The following EFHC2 variants were observed in gnomAD, a reference collection of about 807,000 sequenced individuals.
EFHC2 encodes the protein EF-hand domain-containing family member C2.
A neutral mutation model predicts 52.7 loss-of-function variants in EFHC2; 18 were observed. The ratio of observed to expected loss-of-function variants is 0.34; its 90% CI spans 0.24 to 0.51. The LOEUF is 0.51. Ranked by LOEUF, EFHC2 falls within the 20% of genes least tolerant of loss-of-function variation. The pLI is 0.97. For synonymous variants in EFHC2, 203 were observed against 204.1 expected (o/e 0.99, Z 0.04); for missense variants, 513 against 562.5 (o/e 0.91, Z 0.89).
intron 9 of EFHC2, among the ~76,000 whole-genome samples, chrX:44,234,836 C>G (rs1251998872): frequency 9.0e-6 from 1 of 111,726 alleles, no homozygotes; most frequent in African/African-American, 3.3e-5. Context: ...CCTCAACAGA[C>G]AGAAGGACCA....
chrX:44,243,383 G>A (rs778620028), intron 7 of EFHC2, among the ~76,000 whole-genome samples: 1 of 112,206 alleles, frequency 8.9e-6, no homozygotes, highest in Non-Finnish European at 1.9e-5. Flanking sequence ...CTTTTCCACT[G>A]TCAAAGTTCC....
intron 1 of EFHC2, among the ~76,000 whole-genome samples, chrX:44,321,546 G>A (rs1451634364): frequency 8.9e-6 from 1 of 111,896 alleles, no homozygotes; most frequent in African/African-American, 3.3e-5. Flanking sequence ...CGTGATCAGG[G>A]AGATGGGGTA....
chrX:44,221,654 T>C (rs191076189), intron 11 of EFHC2, among the ~76,000 whole-genome samples: 330 of 111,840 alleles, frequency 3.0e-3, no homozygotes, highest in African/African-American at 0.01. Context: ...TTAACCCTGT[T>C]AAACAAAACC....
chrX:44,294,292 G>A (rs904168907), intron 2 of EFHC2, among the ~76,000 whole-genome samples: 4 of 99,714 alleles, frequency 4.0e-5, no homozygotes, highest in African/African-American at 1.6e-4. Flanking sequence ...GTGTGTGTGT[G>A]TGTAAAATTA....
rs763913085 is a variant in EFHC2 at position 44,257,007 on chromosome X, T to A, written c.606+4068A>T. 7.2e-5 allele frequency among the ~76,000 whole-genome samples: 8 copies of A among 111,324 alleles called. No individual in the cohort carries two copies. In the East Asian group the frequency reaches 2.0e-3, roughly 27 times the overall value. On this transcript the variant is annotated intron_variant, in intron 4 of 14. Transcript: ENST00000420999. ...GGCTGGTTCAACATATGCAAATCAA[T>A]AAATGTAACCCATCATATAAACAGA...
chrX:44,241,894 A>G (rs182813542), intron 8 of EFHC2, among the ~76,000 whole-genome samples: 103 of 111,842 alleles, frequency 9.2e-4, no homozygotes, highest in African/African-American at 3.1e-3. Flanking sequence ...TAGACTAGAG[A>G]TAATATTACT....
chrX:44,317,097 C>A (rs992794010), intron 1 of EFHC2, among the ~76,000 whole-genome samples: 3 of 112,219 alleles, frequency 2.7e-5, no homozygotes, highest in Non-Finnish European at 5.6e-5. Flanking sequence ...AAGAAGAGAG[C>A]TCCCTGCTTC....
rs959492964 is a variant in EFHC2 at position 44,310,363 on chromosome X, G to C, written c.231+2205C>G. The C allele has an allele frequency of 2.7e-5, 24 of 895,820 alleles. No individual in the cohort carries two copies. The South Asian group carries it at 4.9e-4, about 18-fold the overall frequency. 73.8% of individuals were successfully genotyped at this position (895,820 alleles called of 1,213,427 possible). On this transcript the variant is annotated intron_variant, in intron 2 of 14. Coordinates refer to ENST00000420999, the MANE Select transcript of EFHC2 (RefSeq NM_025184.4). ...TCTTGCTGGCCAGAACCCGGGTCCC[G>C]CTCAGGGCCGGCGGCCTGTTCACCT...
intron 11 of EFHC2, among the ~76,000 whole-genome samples, chrX:44,179,241 T>A (rs2036815213): frequency 9.0e-6 from 1 of 110,651 alleles, no homozygotes; most frequent in Non-Finnish European, 1.9e-5. Context: ...GGCTGAATTG[T>A]TTTCAATGTA....
chrX:44,159,792 A>G (rs1393039592), intron 14 of EFHC2, among the ~76,000 whole-genome samples: 2 of 112,693 alleles, frequency 1.8e-5, no homozygotes, highest in Non-Finnish European at 3.7e-5. Context: ...TCTTGCCATT[A>G]AAGAATAGAA....
At chrX:44,295,758 G>A (rs1241759501) in intron 2 of EFHC2, among the ~76,000 whole-genome samples, 1 of 110,648 alleles carries the variant, frequency 9.0e-6, no homozygotes, top group Non-Finnish European at 1.9e-5. Context: ...GAGAGGGGTG[G>A]GTAATGGCAG....
intron 11 of EFHC2, among the ~76,000 whole-genome samples, chrX:44,208,596 A>G (rs1489015494): frequency 9.0e-6 from 1 of 111,497 alleles, no homozygotes; most frequent in Non-Finnish European, 1.9e-5. Flanking sequence ...CATTATGCAA[A>G]ATACACATGT....
intron 11 of EFHC2, among the ~76,000 whole-genome samples, chrX:44,217,231 G>C (rs995786504): frequency 6.3e-5 from 7 of 111,266 alleles, no homozygotes; most frequent in African/African-American, 1.3e-4. Flanking sequence ...ACAAATGCTG[G>C]AGAGGATGTG....
At chrX:44,336,861 T>C (rs1033477777) in intron 1 of EFHC2, among the ~76,000 whole-genome samples, 2 of 112,147 alleles carry the variant, frequency 1.8e-5, no homozygotes, top group East Asian at 5.6e-4. Flanking sequence ...GTTATGTACA[T>C]ACAGGTCTAT....
chrX:44,308,391 T>TA (rs1318715710), intron 2 of EFHC2, among the ~76,000 whole-genome samples: 2 of 96,883 alleles, frequency 2.1e-5, no homozygotes, highest in Non-Finnish European at 4.3e-5. Flanking sequence ...AAGACCTCAA[T>TA]AAAAAGAGAC....
chrX:44,251,261 AAAAAG>A (rs2037444258), intron 4 of EFHC2, among the ~76,000 whole-genome samples: 3 of 101,020 alleles, frequency 3.0e-5, no homozygotes, highest in Non-Finnish European at 2.0e-5. Context: ...AAAAAAAAAA[AAAAAG>A]AATAGAGACA....
chrX:44,159,766 T>C (rs2036637090), intron 14 of EFHC2, among the ~76,000 whole-genome samples: 1 of 112,841 alleles, frequency 8.9e-6, no homozygotes, highest in African/African-American at 3.2e-5. Context: ...GTGACATTCC[T>C]GGCCTAGAAC....
intron 3 of EFHC2, among the ~76,000 whole-genome samples, chrX:44,268,069 G>A (rs2037590723): frequency 8.9e-6 from 1 of 111,796 alleles, no homozygotes; most frequent in South Asian, 3.7e-4. Context: ...ATTACGCAGC[G>A]TGATTACTGT....
At chrX:44,195,815 T>G (rs747221004) in intron 11 of EFHC2, among the ~76,000 whole-genome samples, 1 of 112,287 alleles carries the variant, frequency 8.9e-6, no homozygotes, top group African/African-American at 3.2e-5. Context: ...GAGTGGCCAG[T>G]GGAGAAAGTC....
Sources: gnomAD v4.1 joint callset for allele counts (sites outside exome capture counted in the v4.1 genomes callset) on GRCh38, gnomAD v4.1.1 for gene constraint, MANE v1.5 for transcripts, NCBI Gene and HGNC (gene_info 2026-07-23, HGNC 2026-07-21) for gene names.